LRRC36: variants seen among roughly 807,000 people sequenced by gnomAD.
LRRC36 encodes the protein leucine-rich repeat-containing protein 36.
In LRRC36, 62 loss-of-function variants were observed where a neutral mutation model predicts 81.1. The observed-to-expected ratio is 0.76, with a 90% CI of 0.62 to 0.94. LRRC36 has a LOEUF of 0.94. LRRC36 is among the 40% of genes least tolerant of loss of function. The pLI is 0.00. For synonymous variants in LRRC36, 334 were observed against 348.6 expected, an observed-to-expected ratio of 0.96 and a Z score of 0.47; for missense variants, 761 against 881.7, an observed-to-expected ratio of 0.86 and a Z score of 1.73.
Position 67,363,671 on chromosome 16 carries a change from G to A in LRRC36, c.659G>A (p.Gly220Asp). 1 of 1,613,892 alleles carries A rather than the reference G, an allele frequency of 6.2e-7. No individual in the cohort carries two copies. The highest frequency in any genetic ancestry group is 8.5e-7 in the Non-Finnish European group (1 of 1,179,812). ...SLSTSATQGNGTRDQKLDTFP... is the reference protein window; with the variant it reads ...SLSTSATQGNDTRDQKLDTFP... ...AGTACTTCTGCAACTCAGGGCAATGGTACACGTGATCAGAAATTAGACACC... is the reference window on the plus strand; with the variant it reads ...AGTACTTCTGCAACTCAGGGCAATGATACACGTGATCAGAAATTAGACACC... The change falls in exon 6 of 14, where the codon GGT (glycine) becomes GAT (aspartate). Residue 220 changes from glycine (G) to aspartate (D), a missense_variant. By Grantham distance (94) the Gly-to-Asp change is moderately conservative (BLOSUM62 -1). This residue lies in a region of LRRC36 where 263 missense variants were observed against 279.3 expected (regional missense o/e 0.94). Transcript: ENST00000329956.
intron 9 of LRRC36, 185 bp downstream of exon 9, chr16:67,371,427 TC>T: frequency 4.6e-6 from 3 of 654,198 alleles, no homozygotes; most frequent in South Asian, 3.6e-5. Flanking sequence ...GGAAAGTCAT[TC>T]CCCCACTGCT....
At chr16:67,383,205 G>A (rs1030908165) in intron 13 of LRRC36, among the ~76,000 whole-genome samples, 4 of 151,618 alleles carry the variant, frequency 2.6e-5, no homozygotes, top group African/African-American at 7.3e-5. Flanking sequence ...ACACATTTAC[G>A]AGGACTTTCA....
Position 67,341,100 on chromosome 16 carries a change from ACTCTACATATT to A in LRRC36, c.71-854_71-844del, listed in dbSNP as rs1333425004. Among the ~76,000 whole-genome samples, 826 of 108,918 alleles carry A rather than the reference ACTCTACATATT, an allele frequency of 7.6e-3. 120 individuals are homozygous for A. Among genetic ancestry groups the A allele is most frequent in the African/African-American group, 0.032 (784 of 24,528 alleles). 71.5% of individuals were successfully genotyped at this position (108,918 alleles called of 152,430 possible). ...ACTCTACATATTCTATAGAATATGT[ACTCTACATATT>A]CTATAGAATATGTACTCTACATATT... On this transcript the variant is annotated intron_variant, in intron 1 of 13. Transcript: ENST00000329956.
At chr16:67,333,085 G>A (rs1352158411) in intron 1 of LRRC36, among the ~76,000 whole-genome samples, 7 of 151,578 alleles carry the variant, frequency 4.6e-5, no homozygotes, top group Non-Finnish European at 1.0e-4. Flanking sequence ...AGAGATGGGT[G>A]CATTTTAAAA....
At chr16:67,357,490 A>G (rs1318387384) in intron 5 of LRRC36, among the ~76,000 whole-genome samples, 1 of 152,222 alleles carries the variant, frequency 6.6e-6, no homozygotes, top group Non-Finnish European at 1.5e-5. Context: ...GGGGTACAAT[A>G]TGTTTATTTG....
intron 1 of LRRC36, among the ~76,000 whole-genome samples, chr16:67,339,998 C>T (rs2037953278): frequency 6.6e-6 from 1 of 152,036 alleles, no homozygotes; most frequent in Admixed American, 6.6e-5. Flanking sequence ...CAAAAATTAG[C>T]CAGGCATAGT....
intron 1 of LRRC36, among the ~76,000 whole-genome samples, chr16:67,328,890 C>T (rs1026775593): frequency 2.6e-5 from 4 of 151,876 alleles, no homozygotes; most frequent in Middle Eastern, 3.2e-3. Context: ...ATAAATATTT[C>T]AGTAGTATTT....
intron 11 of LRRC36, among the ~76,000 whole-genome samples, chr16:67,377,901 G>A (rs1434787585): frequency 1.3e-5 from 2 of 152,130 alleles, no homozygotes; most frequent in African/African-American, 4.8e-5. Context: ...CCAAAGTGCT[G>A]CAATTACAGG....
chr16:67,364,402 T>A (rs1180678625), intron 6 of LRRC36, among the ~76,000 whole-genome samples: 1 of 152,210 alleles, frequency 6.6e-6, no homozygotes, highest in Admixed American at 6.5e-5. Flanking sequence ...AGCAATAAAA[T>A]TGTAGAAAAT....
At position 67,358,977 on chromosome 16, in the gene LRRC36, A is replaced by C. The variant is rs550802194; in HGVS notation, c.578-4613A>C. 3.9e-5 allele frequency among the ~76,000 whole-genome samples: 6 copies of C among 152,358 alleles called. No homozygotes were observed. In the East Asian group the frequency reaches 1.2e-3, roughly 29 times the overall value. The stretch of plus-strand genomic sequence containing the variant: ...AATATCCAGTGATGAAGTAACATGT[A>C]TAAAAAATAAGATATGTTTTGCAAT... On this transcript the variant is annotated intron_variant, in intron 5 of 13. Coordinates refer to ENST00000329956, the MANE Select transcript of LRRC36 (RefSeq NM_018296.6).
intron 1 of LRRC36, among the ~76,000 whole-genome samples, chr16:67,335,978 C>T (rs551911744): frequency 5.2e-4 from 79 of 152,286 alleles, no homozygotes; most frequent in Middle Eastern, 3.4e-3. Flanking sequence ...GTGATCCGCC[C>T]GTCTCGGTCT....
chr16:67,353,827 G>A (rs899328518), intron 5 of LRRC36, among the ~76,000 whole-genome samples: 1 of 152,192 alleles, frequency 6.6e-6, no homozygotes, highest in Admixed American at 6.5e-5. Context: ...GGCAGAGCTA[G>A]GAGGCAAACT....
At chr16:67,338,368 C>T (rs2037862823) in intron 1 of LRRC36, among the ~76,000 whole-genome samples, 1 of 152,070 alleles carries the variant, frequency 6.6e-6, no homozygotes, top group East Asian at 1.9e-4. Flanking sequence ...ATACCTGCTT[C>T]TGTATTTAAT....
In LRRC36 at chr16:67,376,877, G is replaced by A; in HGVS notation, c.1806+5G>A. 1 of 1,606,468 alleles carries A rather than the reference G, an allele frequency of 6.2e-7. No homozygotes were observed. The highest frequency in any genetic ancestry group is 8.5e-7 in the Non-Finnish European group (1 of 1,174,232). ...CAGCTGGTCCCTAATGACATGGTAT[G>A]CCCCTCTCATCTCCCTTTAGAAAAG... On this transcript the variant is annotated splice_donor_5th_base_variant and intron_variant, in intron 11 of 13. Coordinates refer to ENST00000329956, the MANE Select transcript of LRRC36 (RefSeq NM_018296.6).
At chr16:67,334,109 G>A (rs529384004) in intron 1 of LRRC36, among the ~76,000 whole-genome samples, 13 of 148,286 alleles carry the variant, frequency 8.8e-5, no homozygotes, top group Non-Finnish European at 1.5e-4. Context: ...TCGGCTCACC[G>A]CAAGCTCTGT....
At chr16:67,384,449 G>T (rs2040221267) in intron 13 of LRRC36, among the ~76,000 whole-genome samples, 1 of 152,064 alleles carries the variant, frequency 6.6e-6, no homozygotes, top group African/African-American at 2.4e-5. Flanking sequence ...AAAAAAATTA[G>T]ATGGTAATAC....
chr16:67,342,961 A>C (rs140438048), intron 2 of LRRC36, among the ~76,000 whole-genome samples: 9 of 152,326 alleles, frequency 5.9e-5, no homozygotes, highest in African/African-American at 2.2e-4. Context: ...CCTAAGATCA[A>C]ATTTCCATCT....
At chr16:67,377,849 G>A (rs1392870594) in intron 11 of LRRC36, among the ~76,000 whole-genome samples, 1 of 150,516 alleles carries the variant, frequency 6.6e-6, no homozygotes, top group Non-Finnish European at 1.5e-5. Context: ...TGGCCAGGAT[G>A]GTCTCAATCT....
intron 5 of LRRC36, among the ~76,000 whole-genome samples, chr16:67,363,204 G>T (rs2039239038): frequency 6.6e-6 from 1 of 152,210 alleles, no homozygotes; most frequent in Admixed American, 6.5e-5. Context: ...TCTATTCCCA[G>T]CATCTCCCCC....
Sources: gnomAD v4.1 joint callset for allele counts (sites outside exome capture counted in the v4.1 genomes callset) on GRCh38, gnomAD v4.1.1 for gene constraint, gnomAD v4.1.1 regional missense constraint, MANE v1.5 for transcripts, NCBI Gene and HGNC (gene_info 2026-07-23, HGNC 2026-07-21) for gene names.